DGKI: variants seen among roughly 807,000 people sequenced by gnomAD.
DGKI encodes DAG kinase iota.
Under a neutral mutation model 147.5 loss-of-function variants are expected in DGKI, and 55 were observed. That is an observed-to-expected ratio of 0.37 (90% CI 0.30 to 0.47). The LOEUF is 0.47. Among genes scored for constraint, DGKI ranks in the 20% least tolerant of loss-of-function variants. The pLI is 1.00. For missense variants in DGKI, 1,007 were observed against 1,323.8 expected (o/e 0.76, Z 3.71); for synonymous variants, 469 against 477.1 (o/e 0.98, Z 0.22).
chr7:137,825,506 C>T (rs990921904), intron 1 of DGKI, among the ~76,000 whole-genome samples: 20 of 152,120 alleles, frequency 1.3e-4, no homozygotes, highest in African/African-American at 4.8e-4. Context: ...TATCATTAGC[C>T]TCATTTTTCA....
chr7:137,828,200 AT>A (rs569928502), intron 1 of DGKI, among the ~76,000 whole-genome samples: 4 of 152,060 alleles, frequency 2.6e-5, no homozygotes, highest in East Asian at 3.9e-4. Context: ...CATAGTGGCT[AT>A]TTTTTTTATT....
At chr7:137,612,281 A>G (rs1303747584) in intron 8 of DGKI, among the ~76,000 whole-genome samples, 2 of 135,884 alleles carry the variant, frequency 1.5e-5, no homozygotes, top group African/African-American at 2.9e-5. Flanking sequence ...TTCTAGCCTC[A>G]CCAAACCAAA....
intron 1 of DGKI, among the ~76,000 whole-genome samples, chr7:137,754,770 C>T (rs1487739221): frequency 2.6e-5 from 4 of 152,194 alleles, no homozygotes; most frequent in Admixed American, 2.6e-4. Context: ...GCAGCGATGG[C>T]AGCTTCCCCT....
At chr7:137,558,276 TTTTA>T (rs776644472) in intron 19 of DGKI, among the ~76,000 whole-genome samples, 8 of 152,232 alleles carry the variant, frequency 5.3e-5, no homozygotes, top group East Asian at 1.9e-4. Context: ...TTTTTTATTA[TTTTA>T]TTTATTTATT....
rs1811180555 is a variant in DGKI at position 137,386,511 on chromosome 7, A to C, written c.*4709T>G. ...TCAGTGGACATCCATGTGTCCTTTG[A>C]GTAAAAGGTATACTTGTCCCAGAGG... On this transcript the variant is annotated 3_prime_UTR_variant, in exon 33 of 33. Transcript: ENST00000614521. 1 of 152,144 alleles carries C rather than the reference A, an allele frequency of 6.6e-6. No homozygotes were observed. Among genetic ancestry groups the C allele is most frequent in the Non-Finnish European group, 1.5e-5 (1 of 68,012 alleles). 9.4% of individuals were successfully genotyped at this position (152,144 alleles called of 1,614,324 possible).
At chr7:137,656,671 G>A in intron 3 of DGKI, 131 bp from the exon 4 acceptor site, 3 of 868,856 alleles carry the variant, frequency 3.5e-6, no homozygotes, top group Non-Finnish European at 5.2e-6. Flanking sequence ...CTATTACAAA[G>A]CAAATTTAAA....
chr7:137,753,837 A>T (rs1795591538), intron 1 of DGKI, among the ~76,000 whole-genome samples: 1 of 152,160 alleles, frequency 6.6e-6, no homozygotes, highest in African/African-American at 2.4e-5. Flanking sequence ...CAGCTTTGAG[A>T]GTAAATGCCA....
intron 1 of DGKI, among the ~76,000 whole-genome samples, chr7:137,719,353 T>G (rs1176380411): frequency 6.6e-6 from 1 of 152,084 alleles, no homozygotes; most frequent in African/African-American, 2.4e-5. Flanking sequence ...TTTTCTCGGT[T>G]AGCCTTGCCG....
chr7:137,432,630 C>A (rs1229575195), intron 28 of DGKI, among the ~76,000 whole-genome samples: 1 of 152,120 alleles, frequency 6.6e-6, no homozygotes, highest in Non-Finnish European at 1.5e-5. Flanking sequence ...GGTTTAATGA[C>A]ATTAAGTAAT....
intron 23 of DGKI, among the ~76,000 whole-genome samples, chr7:137,471,703 T>C (rs1457014447): frequency 6.6e-6 from 1 of 151,886 alleles, no homozygotes; most frequent in East Asian, 1.9e-4. Flanking sequence ...CTGGAGTGTA[T>C]GGAGTTTTAC....
At chr7:137,552,072 T>C (rs1010246824) in intron 20 of DGKI, among the ~76,000 whole-genome samples, 7 of 152,224 alleles carry the variant, frequency 4.6e-5, no homozygotes, top group Admixed American at 2.6e-4. Flanking sequence ...TTTACCATCC[T>C]AGAATCCCTC....
At chr7:137,702,886 G>C (rs77753738) in intron 1 of DGKI, among the ~76,000 whole-genome samples, 5,519 of 152,230 alleles carry the variant, frequency 0.036, 307 homozygotes, top group African/African-American at 0.12. Context: ...TAACACCATA[G>C]TGGCCTAAGA....
At position 137,605,902 on chromosome 7, in the gene DGKI, G is replaced by A. The variant is rs553082101; in HGVS notation, c.1167+3064C>T. On this transcript the variant is annotated intron_variant, in intron 10 of 32. Coordinates refer to ENST00000614521, the MANE Select transcript of DGKI (RefSeq NM_001321708.2). ...AAATAGGTTCTAGTGTTTGCACAGT[G>A]GGGTGACTATACTTAACAACAGTAT... 2.0e-5 allele frequency among the ~76,000 whole-genome samples: 3 copies of A among 152,240 alleles called. No homozygotes were observed. In the East Asian group the frequency reaches 5.8e-4, roughly 29 times the overall value.
intron 2 of DGKI, among the ~76,000 whole-genome samples, chr7:137,680,106 G>A (rs529856193): frequency 2.6e-5 from 4 of 152,168 alleles, no homozygotes; most frequent in South Asian, 4.2e-4. Flanking sequence ...CCCTCATAAT[G>A]GGATTAGTGT....
intron 2 of DGKI, among the ~76,000 whole-genome samples, chr7:137,678,855 T>C (rs1020081775): frequency 1.3e-5 from 2 of 152,198 alleles, no homozygotes; most frequent in Non-Finnish European, 2.9e-5. Flanking sequence ...CTTTGAGCTA[T>C]AACTAAAATA....
At chr7:137,823,896 C>A (rs1797977003) in intron 1 of DGKI, among the ~76,000 whole-genome samples, 1 of 151,940 alleles carries the variant, frequency 6.6e-6, no homozygotes, top group Non-Finnish European at 1.5e-5. Context: ...AAAATAAGAC[C>A]AATAATACAA....
At position 137,381,340 on chromosome 7, in the gene DGKI, T is replaced by C. The variant is rs1453767018; in HGVS notation, c.*9880A>G. Reference sequence around the variant, plus strand: ...CCACTTCGTATTATCTGAATCCTCCTTTACCTGGAAATAAAACTTTAATCT... The same window carrying C: ...CCACTTCGTATTATCTGAATCCTCCCTTACCTGGAAATAAAACTTTAATCT... On this transcript the variant is annotated 3_prime_UTR_variant, in exon 33 of 33. Coordinates refer to ENST00000614521, the MANE Select transcript of DGKI (RefSeq NM_001321708.2). 1 of 114,838 alleles carries C rather than the reference T, an allele frequency of 8.7e-6. No homozygotes were observed. The highest frequency in any genetic ancestry group is 3.1e-4 in the East Asian group (1 of 3,276). The allele number at this position is 114,838 out of a possible 1,614,324, so 7.1% of individuals were successfully genotyped here. A position where few individuals can be genotyped will look rare whatever the true frequency, so the allele number is the denominator to read the frequency against.
At chr7:137,566,635 A>G (rs1055250924) in intron 19 of DGKI, among the ~76,000 whole-genome samples, 3 of 152,186 alleles carry the variant, frequency 2.0e-5, no homozygotes, top group African/African-American at 4.8e-5. Context: ...GAAAAGAGAA[A>G]AAAATAATGG....
chr7:137,540,004 A>G (rs1817636065), intron 20 of DGKI, among the ~76,000 whole-genome samples: 1 of 152,164 alleles, frequency 6.6e-6, no homozygotes, highest in Non-Finnish European at 1.5e-5. Context: ...CCAATTCCTC[A>G]AATACTTCGA....
Sources: gnomAD v4.1 joint callset for allele counts (sites outside exome capture counted in the v4.1 genomes callset) on GRCh38, gnomAD v4.1.1 for gene constraint, MANE v1.5 for transcripts, NCBI Gene and HGNC (gene_info 2026-07-23, HGNC 2026-07-21) for gene names.